Variants in PALLD observed in about 807,000 individuals in gnomAD.
PALLD encodes the protein palladin.
PALLD carries 61 observed loss-of-function variants against 123.5 expected under a neutral mutation model. That is an observed-to-expected ratio of 0.49 (90% CI 0.40 to 0.61). The LOEUF (loss-of-function observed/expected upper bound fraction) is 0.61. Ranked by LOEUF, PALLD falls within the 20% of genes least tolerant of loss-of-function variation. The probability of loss-of-function intolerance (pLI) is 0.00; values close to 1 mark genes in which losing one functional copy is unlikely to be tolerated. For synonymous variants in PALLD, 465 were observed against 496.4 expected (o/e 0.94, Z 0.84); for missense variants, 1,273 against 1,377.0 (o/e 0.92, Z 1.20).
intron 10 of PALLD, among the ~76,000 whole-genome samples, chr4:168,759,213 A>G (rs1732456061): frequency 2.6e-5 from 1 of 39,096 alleles, no homozygotes. Context: ...ATATATATAT[A>G]TATATATATA....
At chr4:168,523,443 G>T (rs1048296607) in intron 2 of PALLD, among the ~76,000 whole-genome samples, 17 of 152,172 alleles carry the variant, frequency 1.1e-4, no homozygotes, top group African/African-American at 3.9e-4. Flanking sequence ...CAAAGAGAAT[G>T]CAATAGATAT....
chr4:168,776,999 A>G (rs939868882), intron 10 of PALLD, among the ~76,000 whole-genome samples: 9 of 152,022 alleles, frequency 5.9e-5, no homozygotes, highest in African/African-American at 2.2e-4. Flanking sequence ...TTACTTAATG[A>G]CCAAATAACA....
chr4:168,671,566 C>G (rs1780285901), intron 3 of PALLD, among the ~76,000 whole-genome samples: 1 of 152,184 alleles, frequency 6.6e-6, no homozygotes, highest in Non-Finnish European at 1.5e-5. Flanking sequence ...AAGATTCAGT[C>G]TGCTAAGCCT....
At chr4:168,776,813 G>A (rs777209697) in intron 10 of PALLD, among the ~76,000 whole-genome samples, 1 of 152,118 alleles carries the variant, frequency 6.6e-6, no homozygotes, top group Non-Finnish European at 1.5e-5. Flanking sequence ...CTACAGTCTT[G>A]AGATAAGCCC....
chr4:168,563,301 G>A lies in PALLD; in HGVS notation c.908+50889G>A, dbSNP rs905896821. ...GCTCGGGGGAAAGGGATCAGAAGTG[G>A]CTTACATAAGGCAGTTAAAGGCATG... On this transcript the variant is annotated intron_variant, in intron 2 of 21. Coordinates refer to ENST00000505667, the MANE Select transcript of PALLD (RefSeq NM_001166108.2). Among the ~76,000 whole-genome samples the A allele has an allele frequency of 1.3e-5, 2 of 152,156 alleles. 1 individual carries two copies. The highest frequency in any genetic ancestry group is 4.1e-4 in the South Asian group (2 of 4,826).
chr4:168,844,575 ACC>A lies in PALLD; in HGVS notation c.1965-46345_1965-46344del, dbSNP rs1275340342. The A allele has an allele frequency of 1.3e-5, 2 of 152,166 alleles. No homozygotes were observed. The highest frequency in any genetic ancestry group is 6.5e-5 in the Admixed American group (1 of 15,272). 9.4% of individuals were successfully genotyped at this position (152,166 alleles called of 1,614,324 possible). On this transcript the variant is annotated intron_variant, in intron 10 of 21. Transcript: ENST00000505667. The surrounding 1 kb of genome is among the most constrained non-coding windows in gnomAD (Gnocchi z 4.5). ...TCAAAAACTGTGCCATCAGCGCAAG[ACC>A]CTGTGATTTCTGTGGTATTCTAATT...
At chr4:168,497,871 G>A (rs537694916) in intron 1 of PALLD, among the ~76,000 whole-genome samples, 1 of 152,164 alleles carries the variant, frequency 6.6e-6, no homozygotes, top group Non-Finnish European at 1.5e-5. Flanking sequence ...ACATGAAATT[G>A]TCTTGAATCC....
Position 168,903,808 on chromosome 4 carries a change from A to C in PALLD, c.2524A>C (p.Thr842Pro). 1.2e-6 allele frequency: 2 copies of C among 1,611,636 alleles called. No individual in the cohort carries two copies. Among genetic ancestry groups the C allele is most frequent in the Non-Finnish European group, 1.7e-6 (2 of 1,177,810 alleles). ...GATCTCTCCAAAGAGTGATCACTAC[A>C]CCATTCAAAGAGATCTCGATGGGAC... ...KQISPKSDHY[T>P]IQRDLDGTCS... Residue 842 changes from threonine (T) to proline (P), a missense_variant, in exon 15 of 22, where the codon ACC (threonine) becomes CCC (proline). Physicochemically the swap from Thr to Pro is conservative, Grantham distance 38. Coordinates refer to ENST00000505667, the MANE Select transcript of PALLD (RefSeq NM_001166108.2).
intron 10 of PALLD, among the ~76,000 whole-genome samples, chr4:168,801,690 G>A (rs544375553): frequency 1.9e-4 from 29 of 152,270 alleles, no homozygotes; most frequent in Admixed American, 1.9e-3. Context: ...ATATCACTAA[G>A]AATCCACACC....
chr4:168,527,911 A>G (rs1399251130), intron 2 of PALLD, among the ~76,000 whole-genome samples: 2 of 152,182 alleles, frequency 1.3e-5, no homozygotes, highest in Non-Finnish European at 2.9e-5. Context: ...TCTAAGTCAA[A>G]TGAAGGTCTC....
chr4:168,691,236 T>C, intron 7 of PALLD, 33 bp from the exon 8 acceptor site: 10 of 1,546,686 alleles, frequency 6.5e-6, no homozygotes, highest in Non-Finnish European at 7.1e-6. Context: ...TCTAATACTT[T>C]GTTCTAATTT....
At chr4:168,499,297 T>A (rs28579941) in intron 1 of PALLD, among the ~76,000 whole-genome samples, 192 of 17,760 alleles carry the variant, frequency 0.011, 4 homozygotes, top group African/African-American at 0.018. Context: ...GGAGGGAGGA[T>A]GGGAGGGAGG....
At chr4:168,602,233 G>A (rs1452776432) in intron 2 of PALLD, among the ~76,000 whole-genome samples, 1 of 152,196 alleles carries the variant, frequency 6.6e-6, no homozygotes, top group Non-Finnish European at 1.5e-5. Flanking sequence ...CGCCAGGCAG[G>A]CACTTTGGAG....
At chr4:168,544,834 G>A (rs369150692) in intron 2 of PALLD, among the ~76,000 whole-genome samples, 187 of 152,288 alleles carry the variant, frequency 1.2e-3, no homozygotes, top group African/African-American at 4.1e-3. Context: ...GTTTCTCCCA[G>A]CTAACCTTGT....
intron 3 of PALLD, among the ~76,000 whole-genome samples, chr4:168,669,639 A>G (rs1056358002): frequency 3.9e-5 from 6 of 152,152 alleles, no homozygotes. Context: ...AGTAACGATT[A>G]CTGATGACTA....
chr4:168,815,036 G>A (rs140794702), intron 10 of PALLD, among the ~76,000 whole-genome samples: 2 of 152,178 alleles, frequency 1.3e-5, no homozygotes, highest in African/African-American at 2.4e-5. Flanking sequence ...CTCCCAAAGC[G>A]CTGGGATTAT....
At chr4:168,535,178 T>A (rs1445022002) in intron 2 of PALLD, among the ~76,000 whole-genome samples, 4 of 152,160 alleles carry the variant, frequency 2.6e-5, no homozygotes, top group African/African-American at 9.7e-5. Flanking sequence ...AATTTTGGTA[T>A]CCAAGGGAGG....
chr4:168,562,769 G>A (rs1048898947), intron 2 of PALLD, among the ~76,000 whole-genome samples: 9 of 152,172 alleles, frequency 5.9e-5, no homozygotes, highest in South Asian at 2.1e-4. Flanking sequence ...GAATGGAGCC[G>A]TGTGGGGACT....
At chr4:168,816,361 C>G (rs1227702654) in intron 10 of PALLD, among the ~76,000 whole-genome samples, 1 of 147,958 alleles carries the variant, frequency 6.8e-6, no homozygotes, top group Non-Finnish European at 1.5e-5. Flanking sequence ...GGCACATCTA[C>G]TTAGACCTAT....
Sources: gnomAD v4.1 joint callset for allele counts (sites outside exome capture counted in the v4.1 genomes callset) on GRCh38, gnomAD v4.1.1 for gene constraint, Gnocchi (gnomAD v3.1) non-coding constraint, MANE v1.5 for transcripts, NCBI Gene and HGNC (gene_info 2026-07-23, HGNC 2026-07-21) for gene names.